The following GSTT4 variants were observed in gnomAD, a reference collection of about 807,000 sequenced individuals.
GSTT4 encodes glutathione S-transferase theta 4, also known as glutathione S-transferase theta-4.
downstream of GSTT4, among the ~76,000 whole-genome samples, chr22:23,997,400 AT>A (rs565917418): frequency 6.6e-6 from 1 of 151,844 alleles, no homozygotes; most frequent in African/African-American, 2.4e-5. Context: ...TAAAAAATAT[AT>A]TTTTTAGAAA....
At chr22:23,999,337 C>A (rs2034176361) in intron 4 of GSTT4, among the ~76,000 whole-genome samples, 1 of 151,242 alleles carries the variant, frequency 6.6e-6, no homozygotes, top group Admixed American at 6.6e-5. Context: ...GCTGGTCTGC[C>A]CTGCAAACAG....
At chr22:24,002,830 CA>C (rs57115393) in intron 2 of GSTT4, among the ~76,000 whole-genome samples, 68 of 90,032 alleles carry the variant, frequency 7.6e-4, no homozygotes, top group African/African-American at 2.0e-3. Context: ...GACTCCGTCT[CA>C]AAAAAAAAAA....
At chr22:24,003,146 T>G (rs536078007) in intron 2 of GSTT4, among the ~76,000 whole-genome samples, 97 of 152,326 alleles carry the variant, frequency 6.4e-4, no homozygotes, top group Middle Eastern at 3.4e-3. Flanking sequence ...GTTGCTTTTT[T>G]TTTGTTTGTT....
At chr22:24,001,704 G>A (rs879177597) in intron 2 of GSTT4, among the ~76,000 whole-genome samples, 1 of 152,104 alleles carries the variant, frequency 6.6e-6, no homozygotes, top group Non-Finnish European at 1.5e-5. Flanking sequence ...AAACAAAAAC[G>A]GGGGGGCACG....
chr22:24,005,328 A>C lies in GSTT4; in HGVS notation c.29T>G (p.Leu10Arg), dbSNP rs2034331741. 1 of 153,368 alleles carries C rather than the reference A, an allele frequency of 6.5e-6. No homozygotes were observed. Among genetic ancestry groups the C allele is most frequent in the African/African-American group, 2.4e-5 (1 of 41,492 alleles). The allele number at this position is 153,368 out of a possible 1,614,324, so 9.5% of individuals were successfully genotyped here. Residue 10 changes from leucine to arginine, a missense_variant, in exon 1 of 5, where the codon CTG (leucine) becomes CGG (arginine). Physicochemically the swap from Leu to Arg is moderately radical, Grantham distance 102. Coordinates refer to ENST00000621179, the MANE Select transcript of GSTT4 (RefSeq NM_001358664.2). Reference protein sequence around the residue: MALELYMDLLSAPCRAVYIF... With the variant: MALELYMDLRSAPCRAVYIF... ...GTAGACGGCACGGCAGGGTGCTGAC[A>C]GCAGGTCCATGTAGAGCTCCAGTGC...
At chr22:24,003,035 C>G (rs1156379426) in intron 2 of GSTT4, among the ~76,000 whole-genome samples, 1 of 152,232 alleles carries the variant, frequency 6.6e-6, no homozygotes, top group Non-Finnish European at 1.5e-5. Context: ...GTGGCGCAAT[C>G]AGAGTTCACT....
intron 4 of GSTT4, among the ~76,000 whole-genome samples, chr22:23,999,700 C>T (rs1314284681): frequency 5.0e-5 from 7 of 139,814 alleles, no homozygotes; most frequent in African/African-American, 1.9e-4. Flanking sequence ...GGGAAACAGG[C>T]AGGGCCAGAA....
At chr22:23,994,173 T>C (rs1207996409), downstream of GSTT4, among the ~76,000 whole-genome samples, 2 of 152,218 alleles carry the variant, frequency 1.3e-5, no homozygotes, top group East Asian at 1.9e-4. Flanking sequence ...TTATGCTTCA[T>C]ATTTTTTGTA....
At chr22:23,992,782 C>CT in the GSTT4 span, among the ~76,000 whole-genome samples, 142,847 of 145,290 alleles carry the variant, frequency 0.98, 70,203 homozygotes, top group Middle Eastern at 0.99. Context: ...CTCTACTATT[C>CT]TTTTTTTTTT....
rs977805687 is a variant in GSTT4, at chr22:24,003,769, A to T, written c.191T>A (p.Leu64Ter). ...LPSLKDGKFI[L>*]SESAAILYYL... ...CCCAGGGAAGACTTACCTTTCACTT[A>T]AGATAAATTTCCCATCTTTGAGGCT... Residue 64 changes from leucine to a stop codon, truncating the protein, a stop_gained, in exon 2 of 5, where the codon TTA (leucine) becomes TAA (stop). Coordinates refer to ENST00000621179, the MANE Select transcript of GSTT4 (RefSeq NM_001358664.2). LOFTEE classifies it high-confidence loss of function. 3 of 155,798 alleles carry T rather than the reference A, an allele frequency of 1.9e-5. No individual in the cohort carries two copies. The Admixed American group carries it at 2.0e-4, about 10-fold the overall frequency. The allele number at this position is 155,798 out of a possible 1,614,324, so 9.7% of individuals were successfully genotyped here. A position where few individuals can be genotyped will look rare whatever the true frequency, so the allele number is the denominator to read the frequency against.
At chr22:23,996,068 T>C (rs1187379162), downstream of GSTT4, among the ~76,000 whole-genome samples, 1 of 152,004 alleles carries the variant, frequency 6.6e-6, no homozygotes, top group African/African-American at 2.4e-5. Context: ...CTTTGCCTCC[T>C]GAGTAGCTGG....
the GSTT4 span, among the ~76,000 whole-genome samples, chr22:23,992,755 C>A: frequency 0.5 from 71,540 of 144,176 alleles, 16,062 homozygotes; most frequent in South Asian, 0.61. Flanking sequence ...TACCCCAGGG[C>A]CACACCTTCC....
the GSTT4 span, among the ~76,000 whole-genome samples, chr22:23,992,481 C>T: frequency 0.04 from 4,967 of 124,116 alleles, 7 homozygotes; most frequent in Middle Eastern, 0.087. Flanking sequence ...GCCCCAGCCA[C>T]ACTCAAGGGG....
chr22:23,997,576 T>G (rs192345868), downstream of GSTT4, among the ~76,000 whole-genome samples: 186 of 152,224 alleles, frequency 1.2e-3, no homozygotes, highest in Admixed American at 2.6e-3. Context: ...ACTTGGCTAT[T>G]CTAAGTAAAG....
chr22:23,995,718 G>A (rs1329985553), downstream of GSTT4, among the ~76,000 whole-genome samples: 17 of 152,102 alleles, frequency 1.1e-4, no homozygotes, highest in Admixed American at 1.1e-3. Flanking sequence ...GAACCTGCAT[G>A]TTTTCTCAGG....
At chr22:23,989,589 C>T in the GSTT4 span, among the ~76,000 whole-genome samples, 12 of 148,328 alleles carry the variant, frequency 8.1e-5, no homozygotes, top group Admixed American at 8.3e-4. Flanking sequence ...GCTGGGTGAC[C>T]TGTCAATACC....
At chr22:24,003,602 C>T (rs1011883345) in intron 2 of GSTT4, among the ~76,000 whole-genome samples, 158 bp downstream of exon 2, 3 of 152,268 alleles carry the variant, frequency 2.0e-5, no homozygotes, top group African/African-American at 4.8e-5. Context: ...CAGAGCTGGG[C>T]GATGGATTTG....
intron 4 of GSTT4, among the ~76,000 whole-genome samples, chr22:23,999,254 G>T (rs1353973675): frequency 0.026 from 2,431 of 92,626 alleles, no homozygotes; most frequent in Middle Eastern, 0.098. Context: ...GGGTGTGTGT[G>T]GGTGAAATGT....
At chr22:23,995,553 A>G (rs1462544320), downstream of GSTT4, among the ~76,000 whole-genome samples, 1 of 152,074 alleles carries the variant, frequency 6.6e-6, no homozygotes, top group East Asian at 1.9e-4. Flanking sequence ...TCTTCCATGG[A>G]TTGTTGAATG....
Sources: allele counts gnomAD v4.1 joint callset (sites outside exome capture counted in the v4.1 genomes callset), GRCh38; gene constraint gnomAD v4.1.1; transcripts MANE v1.5; gene names NCBI Gene and HGNC (gene_info 2026-07-23, HGNC 2026-07-21).